PLXND1: variants seen among roughly 807,000 people sequenced by gnomAD.
PLXND1 encodes the protein plexin D1.
Under a neutral mutation model 197.7 loss-of-function variants are expected in PLXND1, and 54 were observed. The observed-to-expected ratio is 0.27, with a 90% CI of 0.22 to 0.34. The LOEUF (loss-of-function observed/expected upper bound fraction) is 0.34, where lower values mean the gene tolerates loss of function less well. PLXND1 is among the 10% of genes least tolerant of loss of function. PLXND1 has a pLI of 1.00. For synonymous variants in PLXND1, 1,180 were observed against 1,161.2 expected (o/e 1.02, Z -0.33); for missense variants, 2,127 against 2,699.2 (o/e 0.79, Z 4.70).
chr3:129,561,031 C>A, intron 29 of PLXND1: 1 of 533,296 alleles, frequency 1.9e-6, no homozygotes, highest in South Asian at 1.5e-5. Context: ...GAAAGACACA[C>A]ACACAGTGAC....
At position 129,558,893 on chromosome 3, in the gene PLXND1, C is replaced by G. The variant is rs1018904420; in HGVS notation, c.5298-318G>C. Reference sequence around the variant, plus strand: ...GGCCCCCGGGCACCCCTGGCTCCTCCCTGAACCCTTGCAGGCAGCAGGAAG... The same window carrying G: ...GGCCCCCGGGCACCCCTGGCTCCTCGCTGAACCCTTGCAGGCAGCAGGAAG... On this transcript the variant is annotated intron_variant, in intron 32 of 35. Coordinates refer to ENST00000324093, the MANE Select transcript of PLXND1 (RefSeq NM_015103.3). This position sits in a 1 kb window ranked among gnomAD's most constrained non-coding sequence, Gnocchi z 4.1. Among the ~76,000 whole-genome samples, 1 of 152,134 alleles carries G rather than the reference C, an allele frequency of 6.6e-6. No individual in the cohort carries two copies. The highest frequency in any genetic ancestry group is 1.5e-5 in the Non-Finnish European group (1 of 68,014).
intron 27 of PLXND1, chr3:129,562,524 A>C (rs192980105): frequency 9.3e-4 from 356 of 382,672 alleles, no homozygotes; most frequent in South Asian, 3.4e-3. Flanking sequence ...ACAAACAAAC[A>C]AACCAACCCT....
At position 129,586,664 on chromosome 3, in the gene PLXND1, T is replaced by G. The variant is rs137960066; in HGVS notation, c.1544A>C (p.Tyr515Ser). The change falls in exon 3 of 36, where the codon TAT (tyrosine) becomes TCT (serine). Residue 515 changes from tyrosine (Y) to serine (S), a missense_variant. By Grantham distance (144) the Tyr-to-Ser change is moderately radical. Transcript: ENST00000324093. ...CATGACATGGTGCACGGGCTCCCCA[T>G]AGGCCACAGTCACCACCCGCCTGCT... The part of the protein sequence containing the change: ...VVSRRVVTVA[Y>S]GEPVHHVMQF... 2.5e-6 allele frequency: 4 copies of G among 1,589,396 alleles called. No individual in the cohort carries two copies. In the African/African-American group the frequency reaches 4.0e-5, roughly 16 times the overall value.
chr3:129,563,944 C>G (rs74582293), intron 25 of PLXND1, among the ~76,000 whole-genome samples: 1 of 152,370 alleles, frequency 6.6e-6, no homozygotes, highest in Non-Finnish European at 1.5e-5. Context: ...AGCCTGCCAG[C>G]CCAAGTCCTG....
At chr3:129,597,490 C>G (rs964369717) in intron 1 of PLXND1, among the ~76,000 whole-genome samples, 7 of 151,588 alleles carry the variant, frequency 4.6e-5, no homozygotes, top group East Asian at 2.0e-4. Flanking sequence ...CGGGCCCCCC[C>G]CCATTATTTA....
Position 129,586,705 on chromosome 3 carries a change from C to G in PLXND1, c.1503G>C (p.Glu501Asp), listed in dbSNP as rs1381942476. The stretch of plus-strand genomic sequence containing the variant: ...CCCGCCTGCTCACCACCTGCATGCT[C>G]TCGTTCAGGTTGATCTGTGGGGGTA... ...NGRLLKINLNESMQVVSRRVV... is the reference protein window; with the variant it reads ...NGRLLKINLNDSMQVVSRRVV... The change falls in exon 3 of 36, where the codon GAG becomes GAC. Residue 501 changes from glutamate (E) to aspartate (D), a missense_variant. Physicochemically the swap from Glu to Asp is conservative, Grantham distance 45. Around this residue, in one of 6 missense-constraint regions of PLXND1, gnomAD observed 1,095 missense variants for 1,259.8 expected, o/e 0.87. Transcript: ENST00000324093. The G allele has an allele frequency of 6.3e-7, 1 of 1,599,564 alleles. No homozygotes were observed. The highest frequency in any genetic ancestry group is 8.5e-7 in the Non-Finnish European group (1 of 1,172,776).
intron 8 of PLXND1, among the ~76,000 whole-genome samples, chr3:129,579,173 G>A (rs2085354434): frequency 6.6e-6 from 1 of 152,088 alleles, no homozygotes; most frequent in South Asian, 2.1e-4. Context: ...AGGAGGGAGG[G>A]AAGGAAAGAA....
intron 34 of PLXND1, 180 bp downstream of exon 34, chr3:129,556,903 C>G (rs2285356): frequency 2.7e-6 from 2 of 747,118 alleles, no homozygotes; most frequent in African/African-American, 1.8e-5. Flanking sequence ...CTCCTGCCCC[C>G]GCTCCTCAAA....
chr3:129,603,497 G>A (rs192474275), intron 1 of PLXND1, among the ~76,000 whole-genome samples: 455 of 152,282 alleles, frequency 3.0e-3, no homozygotes, highest in Non-Finnish European at 5.2e-3. Flanking sequence ...TCCATTCAGC[G>A]ACTCCCCACT....
chr3:129,565,240 C>T (rs562986683), intron 25 of PLXND1, 100 bp downstream of exon 25: 327 of 964,086 alleles, frequency 3.4e-4, no homozygotes, highest in Non-Finnish European at 5.0e-4. Context: ...CAGAGCTGGC[C>T]TGAGGGTGCC....
chr3:129,599,786 G>C (rs2085680832), intron 1 of PLXND1, among the ~76,000 whole-genome samples: 1 of 152,162 alleles, frequency 6.6e-6, no homozygotes, highest in South Asian at 2.1e-4. Flanking sequence ...CCCAGCCAGA[G>C]GGGGAACTGC....
chr3:129,572,223 C>A (rs2085244990), intron 15 of PLXND1, among the ~76,000 whole-genome samples: 1 of 152,190 alleles, frequency 6.6e-6, no homozygotes, highest in African/African-American at 2.4e-5. Context: ...CCCAGCAATG[C>A]CCATTAGTGG....
chr3:129,592,572 G>A (rs997941359), intron 1 of PLXND1, among the ~76,000 whole-genome samples: 1 of 152,116 alleles, frequency 6.6e-6, no homozygotes, highest in African/African-American at 2.4e-5. Flanking sequence ...GCAGCAGGGA[G>A]GAGGGGAGCA....
chr3:129,561,087 AG>A (rs1490529016), intron 29 of PLXND1: 5 of 478,474 alleles, frequency 1.0e-5, no homozygotes, highest in African/African-American at 3.9e-5. Context: ...GGAGAGAAAC[AG>A]GAAGATGCAG....
chr3:129,599,246 G>A (rs891165333), intron 1 of PLXND1, among the ~76,000 whole-genome samples: 15 of 152,366 alleles, frequency 9.8e-5, no homozygotes, highest in Non-Finnish European at 5.9e-5. Context: ...GGACTTTGCA[G>A]AGGGCGTTTC....
chr3:129,555,552 A>C lies in PLXND1; in HGVS notation c.*760T>G. ...TTTTTAATATATAAAAGCTTTAAAA[A>C]AAAAAGTGGTGCTATCTTTAGAAAC... is the stretch of plus-strand genomic sequence containing the variant. On this transcript the variant is annotated 3_prime_UTR_variant, in exon 36 of 36. Transcript: ENST00000324093. 1.5e-6 allele frequency: 1 copy of C among 662,868 alleles called. No individual in the cohort carries two copies. Among genetic ancestry groups the C allele is most frequent in the Non-Finnish European group, 2.7e-6 (1 of 373,522 alleles). The allele number at this position is 662,868 out of a possible 1,614,324, so 41.1% of individuals were successfully genotyped here.
intron 30 of PLXND1, 27 bp downstream of exon 30, chr3:129,560,662 C>T (rs1338380474): frequency 2.5e-6 from 4 of 1,568,650 alleles, no homozygotes; most frequent in Non-Finnish European, 3.5e-6. Flanking sequence ...GGGGCTGGAT[C>T]CCCCGGGGCC....
Position 129,555,557 on chromosome 3 carries a change from A to AGTG in PLXND1, c.*752_*754dup. 1 of 662,456 alleles carries AGTG rather than the reference A, an allele frequency of 1.5e-6. No individual in the cohort carries two copies. Among genetic ancestry groups the AGTG allele is most frequent in the Non-Finnish European group, 2.7e-6 (1 of 373,048 alleles). The allele number at this position is 662,456 out of a possible 1,614,324, so 41.0% of individuals were successfully genotyped here. ...AATATATAAAAGCTTTAAAAAAAAA[A>AGTG]GTGGTGCTATCTTTAGAAACACTTT... On this transcript the variant is annotated 3_prime_UTR_variant, in exon 36 of 36. Transcript: ENST00000324093.
At chr3:129,589,320 A>ACCCCAACCACCCTTCACAGCCC in intron 2 of PLXND1, 31 bp downstream of exon 2, 1 of 343,182 alleles carries the variant, frequency 2.9e-6, no homozygotes, top group Non-Finnish European at 5.5e-6. Context: ...TCCCACCCCC[A>ACCCCAACCACCCTTCACAGCCC]CCCCCTCCCC....
Sources: gnomAD v4.1 joint callset for allele counts (sites outside exome capture counted in the v4.1 genomes callset) on GRCh38, gnomAD v4.1.1 for gene constraint, gnomAD v4.1.1 regional missense constraint, Gnocchi (gnomAD v3.1) non-coding constraint, MANE v1.5 for transcripts, NCBI Gene and HGNC (gene_info 2026-07-23, HGNC 2026-07-21) for gene names.